The following RFX2 variants were observed in gnomAD, a reference collection of about 807,000 sequenced individuals.
RFX2 encodes regulatory factor X2.
RFX2 carries 20 observed loss-of-function variants against 87.8 expected under a neutral mutation model. The ratio of observed to expected loss-of-function variants is 0.23; its 90% CI spans 0.16 to 0.33. The LOEUF is 0.33. Ranked by LOEUF, RFX2 falls within the 10% of genes least tolerant of loss-of-function variation. The pLI is 1.00. For synonymous variants in RFX2, 397 were observed against 431.3 expected, an observed-to-expected ratio of 0.92 and a Z score of 0.98; for missense variants, 767 against 1,012.3, an observed-to-expected ratio of 0.76 and a Z score of 3.29.
At chr19:6,054,353 A>T (rs535370185) in intron 1 of RFX2, among the ~76,000 whole-genome samples, 1 of 152,334 alleles carries the variant, frequency 6.6e-6, no homozygotes, top group South Asian at 2.1e-4. Flanking sequence ...TGCCATCAGA[A>T]AATAAAAAAA....
intron 1 of RFX2, among the ~76,000 whole-genome samples, chr19:6,084,679 G>T (rs1274887049): frequency 6.9e-6 from 1 of 145,496 alleles, no homozygotes; most frequent in South Asian, 2.1e-4. Flanking sequence ...TTGTTGCCCA[G>T]GCAGGAGTGC....
Position 6,016,240 on chromosome 19 carries a change from G to A in RFX2, c.629C>T (p.Ala210Val), listed in dbSNP as rs1486469836. The A allele has an allele frequency of 1.9e-6, 3 of 1,609,990 alleles. No individual in the cohort carries two copies. Among genetic ancestry groups the A allele is most frequent in the Non-Finnish European group, 2.5e-6 (3 of 1,177,856 alleles). ...LQWLLDNYET[A>V]EGVSLPRSSL... ...ACTTCTGGGGAGACTCACACCTTCC[G>A]CTGTTTCATAATTATCCAACAGCCA... The change falls in exon 7 of 18, where the codon GCG (alanine) becomes GTG (valine). Residue 210 changes from alanine (A) to valine (V), a missense_variant. By Grantham distance (64) the Ala-to-Val change is moderately conservative (BLOSUM62 0). Transcript: ENST00000303657. The surrounding 1 kb of genome is among the most constrained non-coding windows in gnomAD (Gnocchi z 5.4).
chr19:6,030,055 A>G (rs1304506950), intron 5 of RFX2, among the ~76,000 whole-genome samples: 1 of 152,222 alleles, frequency 6.6e-6, no homozygotes, highest in Non-Finnish European at 1.5e-5. Context: ...GAGAGGGAGA[A>G]AGTGGTAAAG....
chr19:6,084,294 T>G (rs1193552294), intron 1 of RFX2, among the ~76,000 whole-genome samples: 1 of 152,240 alleles, frequency 6.6e-6, no homozygotes, highest in Non-Finnish European at 1.5e-5. Context: ...AAAAAGCATA[T>G]GCCTCCTAGT....
At chr19:6,087,232 G>A (rs956452069) in intron 1 of RFX2, among the ~76,000 whole-genome samples, 1 of 152,138 alleles carries the variant, frequency 6.6e-6, no homozygotes, top group East Asian at 1.9e-4. Context: ...GGGGCGAAGC[G>A]AGACGCACAC....
intron 5 of RFX2, among the ~76,000 whole-genome samples, chr19:6,032,765 GCTAT>G (rs1281733335): frequency 2.6e-5 from 4 of 152,094 alleles, no homozygotes; most frequent in Non-Finnish European, 5.9e-5. Flanking sequence ...ATATTTTGTG[GCTAT>G]CTTTCTGAAC....
chr19:6,039,939 C>T lies in RFX2; in HGVS notation c.522+41G>A, dbSNP rs1462110512. On this transcript the variant is annotated intron_variant, in intron 5 of 17. Coordinates refer to ENST00000303657, the MANE Select transcript of RFX2 (RefSeq NM_000635.4). This position sits in a 1 kb window ranked among gnomAD's most constrained non-coding sequence, Gnocchi z 5.2. The stretch of plus-strand genomic sequence containing the variant: ...CCCTGCTGCCGCTGCTTCGAGAATA[C>T]TCATGGCCTACCCTGCTGGTCCCAA... The T allele has an allele frequency of 6.7e-7, 1 of 1,503,546 alleles. No individual in the cohort carries two copies. The highest frequency in any genetic ancestry group is 9.0e-7 in the Non-Finnish European group (1 of 1,114,750). 93.1% of individuals were successfully genotyped at this position (1,503,546 alleles called of 1,614,324 possible).
At chr19:6,069,482 A>G (rs1235454828) in intron 1 of RFX2, among the ~76,000 whole-genome samples, 1 of 152,218 alleles carries the variant, frequency 6.6e-6, no homozygotes, top group East Asian at 1.9e-4. Context: ...TCATCAGTGT[A>G]TAAATGACCT....
intron 1 of RFX2, chr19:6,073,139 C>G: frequency 6.8e-6 from 3 of 441,950 alleles, no homozygotes; most frequent in South Asian, 6.3e-5. Flanking sequence ...ACCACCATGC[C>G]TGGCTAGTTT....
rs372442832 is a variant in RFX2, at chr19:6,024,358, G to A, written c.597+1805C>T. Among the ~76,000 whole-genome samples the A allele has an allele frequency of 2.6e-5, 4 of 152,314 alleles. No homozygotes were observed. The East Asian group carries it at 5.8e-4, about 22-fold the overall frequency. On this transcript the variant is annotated intron_variant, in intron 6 of 17. Coordinates refer to ENST00000303657, the MANE Select transcript of RFX2 (RefSeq NM_000635.4). The surrounding 1 kb of genome is among the most constrained non-coding windows in gnomAD (Gnocchi z 5.0). Reference sequence around the variant, plus strand: ...TCCCTTCTCCCTGAGTTCATCTACAGGGAGGATGTCATCCAGCAGTGACAG... The same window carrying A: ...TCCCTTCTCCCTGAGTTCATCTACAAGGAGGATGTCATCCAGCAGTGACAG...
At position 6,023,454 on chromosome 19, in the gene RFX2, C is replaced by T. The variant is rs1247049056; in HGVS notation, c.597+2709G>A. ...CACGTGCTTTAACTCCTCTCTTCCT[C>T]TCTGGCTCTCACATTTGCCAAAACA... On this transcript the variant is annotated intron_variant, in intron 6 of 17. Coordinates refer to ENST00000303657, the MANE Select transcript of RFX2 (RefSeq NM_000635.4). The surrounding 1 kb of genome is among the most constrained non-coding windows in gnomAD (Gnocchi z 4.9). Among the ~76,000 whole-genome samples the T allele has an allele frequency of 6.6e-6, 1 of 152,272 alleles. No individual in the cohort carries two copies. Among genetic ancestry groups the T allele is most frequent in the Non-Finnish European group, 1.5e-5 (1 of 68,046 alleles).
intron 1 of RFX2, among the ~76,000 whole-genome samples, chr19:6,079,594 T>A (rs1185952200): frequency 1.3e-5 from 2 of 152,070 alleles, no homozygotes; most frequent in East Asian, 3.9e-4. Context: ...GTTATAAGAA[T>A]CTGTGCAAGT....
rs767855544 is a variant in RFX2 at position 6,047,458 on chromosome 19, G to A, written c.39C>T (p.Ser13=). 6.8e-6 allele frequency: 11 copies of A among 1,606,452 alleles called. No homozygotes were observed. The highest frequency in any genetic ancestry group is 5.6e-5 in the South Asian group (5 of 89,878). ...CTGCCGCCGAGGGACGCAGAGCCAC[G>A]GACGCTGGCGAATCCGCTCCACCCT... is the stretch of plus-strand genomic sequence containing the variant. The part of the protein sequence containing the change: ...NSEGGADSPA[S]VALRPSAAAP... The change falls in exon 2 of 18, where the codon TCC becomes TCT. Residue 13 remains serine (S), a synonymous_variant. Transcript: ENST00000303657. The surrounding 1 kb of genome is among the most constrained non-coding windows in gnomAD (Gnocchi z 4.2).
chr19:6,056,788 C>T lies in RFX2; in HGVS notation c.-8-9284G>A, dbSNP rs1568527609. Among the ~76,000 whole-genome samples, 1 of 152,142 alleles carries T rather than the reference C, an allele frequency of 6.6e-6. No individual in the cohort carries two copies. Among genetic ancestry groups the T allele is most frequent in the Non-Finnish European group, 1.5e-5 (1 of 68,032 alleles). ...CTCTCTTCTGTTTTTCTTCCTGTGG[C>T]GAGGACCTGGGCAGTCTTACTTTGA... On this transcript the variant is annotated intron_variant, in intron 1 of 17. Coordinates refer to ENST00000303657, the MANE Select transcript of RFX2 (RefSeq NM_000635.4). The surrounding 1 kb of genome is among the most constrained non-coding windows in gnomAD (Gnocchi z 4.6).
In RFX2 at chr19:5,999,256, A is replaced by G. The variant is rs1274718746; in HGVS notation, c.1860-2043T>C. Among the ~76,000 whole-genome samples the G allele has an allele frequency of 6.6e-6, 1 of 152,176 alleles. No individual in the cohort carries two copies. The highest frequency in any genetic ancestry group is 1.5e-5 in the Non-Finnish European group (1 of 68,032). On this transcript the variant is annotated intron_variant, in intron 15 of 17. Transcript: ENST00000303657. The surrounding 1 kb of genome is among the most constrained non-coding windows in gnomAD (Gnocchi z 4.1). ...GGTGACAGAGCGAGACTCTGTCTCA[A>G]AAAACAAGCAAACAAGAGAATGAAG...
chr19:5,995,080 C>T (rs1599830307), intron 17 of RFX2, 130 bp from the exon 18 acceptor site: 2 of 698,452 alleles, frequency 2.9e-6, no homozygotes, highest in African/African-American at 3.5e-5. Context: ...GCCTGTGGAC[C>T]CCACCTCGGC....
chr19:6,090,511 G>A (rs2087918341), intron 1 of RFX2, among the ~76,000 whole-genome samples: 1 of 151,942 alleles, frequency 6.6e-6, no homozygotes, highest in African/African-American at 2.4e-5. Context: ...TCACACCTAC[G>A]AGGCTGGTTA....
intron 1 of RFX2, among the ~76,000 whole-genome samples, chr19:6,078,988 C>T (rs1287211830): frequency 6.6e-6 from 1 of 152,202 alleles, no homozygotes; most frequent in South Asian, 2.1e-4. Flanking sequence ...GTTGGCCAGG[C>T]TGGTCTCGAA....
rs2087159404 is a variant in RFX2, at chr19:6,044,482, G to T, written c.91-200C>A. On this transcript the variant is annotated intron_variant, in intron 2 of 17. Coordinates refer to ENST00000303657, the MANE Select transcript of RFX2 (RefSeq NM_000635.4). This position sits in a 1 kb window ranked among gnomAD's most constrained non-coding sequence, Gnocchi z 5.3. ...GCAGACACACGGCAGGTACGTGCAG[G>T]CACACAAACAATGCACATACATACA... 6.6e-6 allele frequency among the ~76,000 whole-genome samples: 1 copy of T among 152,200 alleles called. No homozygotes were observed. Among genetic ancestry groups the T allele is most frequent in the Admixed American group, 6.5e-5 (1 of 15,286 alleles).
Sources: allele counts gnomAD v4.1 joint callset (sites outside exome capture counted in the v4.1 genomes callset), GRCh38; gene constraint gnomAD v4.1.1; non-coding constraint Gnocchi (gnomAD v3.1); transcripts MANE v1.5; gene names NCBI Gene and HGNC (gene_info 2026-07-23, HGNC 2026-07-21).